PCM1: variants seen among roughly 807,000 people sequenced by gnomAD.
The protein encoded by PCM1 is pericentriolar material 1 protein.
In PCM1, 157 loss-of-function variants were observed where a neutral mutation model predicts 241.9. That is an observed-to-expected ratio of 0.65 (90% CI 0.57 to 0.74). The LOEUF is 0.74. Among genes scored for constraint, PCM1 ranks in the 30% least tolerant of loss-of-function variants. The pLI, the probability that PCM1 is intolerant of heterozygous loss-of-function variation, is 0.00. For missense variants in PCM1, 3,478 were observed against 2,360.1 expected, an observed-to-expected ratio of 1.47 and a Z score of -9.81; for synonymous variants, 1,085 against 784.9, an observed-to-expected ratio of 1.38 and a Z score of -6.39.
chr8:17,974,857 GCACACACACACA>G (rs60355433), intron 23 of PCM1, among the ~76,000 whole-genome samples: 171 of 133,380 alleles, frequency 1.3e-3, no homozygotes, highest in African/African-American at 4.2e-3. Context: ...CCACTTTAAG[GCACACACACACA>G]CACACACACA....
intron 23 of PCM1, among the ~76,000 whole-genome samples, chr8:17,977,736 C>T (rs1040774697): frequency 2.6e-5 from 4 of 152,124 alleles, no homozygotes; most frequent in African/African-American, 9.7e-5. Context: ...TTAGTCTTTG[C>T]AGCTGAAGAG....
chr8:17,934,712 C>A (rs540226672), intron 2 of PCM1: 1 of 152,314 alleles, frequency 6.6e-6, no homozygotes, highest in Admixed American at 6.5e-5. Context: ...TCAGCTAGCA[C>A]CCTTTCAACC....
chr8:18,022,264 A>G (rs969756979), intron 36 of PCM1, among the ~76,000 whole-genome samples: 4 of 152,200 alleles, frequency 2.6e-5, no homozygotes, highest in East Asian at 3.8e-4. Context: ...TACCACCACA[A>G]TGAAACGACT....
chr8:17,986,039 A>G lies in PCM1; in HGVS notation c.4362A>G (p.Ala1454=). The G allele has an allele frequency of 1.2e-6, 2 of 1,603,562 alleles. No homozygotes were observed. Among genetic ancestry groups the G allele is most frequent in the Non-Finnish European group, 1.7e-6 (2 of 1,173,156 alleles). The part of the protein sequence containing the change: ...VKSVNSGTWI[A]SNSELTPSES... ...CAGTAAACTCTGGTACTTGGATAGC[A>G]TCAAACTCAGAACTTACTCCTAGTG... Residue 1454 remains alanine (A), a synonymous_variant, in exon 26 of 39, where the codon GCA becomes GCG. Transcript: ENST00000325083.
Position 17,963,189 on chromosome 8 carries a change from A to T in PCM1, c.2552A>T (p.Gln851Leu), listed in dbSNP as rs768777735. Residue 851 changes from glutamine (Q) to leucine (L), a missense_variant, in exon 17 of 39, where the codon CAG (glutamine) becomes CTG (leucine). Physicochemically the swap from Gln to Leu is moderately radical, Grantham distance 113 (BLOSUM62 -2). Coordinates refer to ENST00000325083, the MANE Select transcript of PCM1 (RefSeq NM_006197.4). ...CTTGAAGCTCTGATGGCTGAACATCAGAGGAGGCAAGGTCTAGCTGAAACT... is the reference window on the plus strand; with the variant it reads ...CTTGAAGCTCTGATGGCTGAACATCTGAGGAGGCAAGGTCTAGCTGAAACT... ...KQLEALMAEH[Q>L]RRQGLAETAS... 1 of 1,613,764 alleles carries T rather than the reference A, an allele frequency of 6.2e-7. No individual in the cohort carries two copies. The highest frequency in any genetic ancestry group is 2.2e-5 in the East Asian group (1 of 44,868).
Position 17,986,015 on chromosome 8 carries a change from A to T in PCM1, c.4338A>T (p.Ser1446=), listed in dbSNP as rs1564178207. The T allele has an allele frequency of 6.3e-7, 1 of 1,597,974 alleles. No homozygotes were observed. ...ESHEKGENVK[S]VNSGTWIASN... Reference sequence around the variant, plus strand: ...ATGAAAAAGGAGAAAATGTAAAGTCAGTAAACTCTGGTACTTGGATAGCAT... The same window carrying T: ...ATGAAAAAGGAGAAAATGTAAAGTCTGTAAACTCTGGTACTTGGATAGCAT... Residue 1446 remains serine, a synonymous_variant, in exon 26 of 39, where the codon TCA becomes TCT. Coordinates refer to ENST00000325083, the MANE Select transcript of PCM1 (RefSeq NM_006197.4).
chr8:17,995,640 G>A (rs2086417042), intron 29 of PCM1, among the ~76,000 whole-genome samples: 1 of 151,358 alleles, frequency 6.6e-6, no homozygotes, highest in Non-Finnish European at 1.5e-5. Flanking sequence ...TATTGAATCT[G>A]TAGATTGCTT....
chr8:17,956,820 G>T, intron 11 of PCM1, 43 bp downstream of exon 11: 1 of 1,422,298 alleles, frequency 7.0e-7, no homozygotes, highest in Non-Finnish European at 9.8e-7. Flanking sequence ...TATTCATTCT[G>T]TCTTGATACT....
intron 32 of PCM1, 33 bp downstream of exon 32, chr8:18,010,701 G>A (rs770205124): frequency 1.3e-6 from 2 of 1,494,722 alleles, no homozygotes; most frequent in South Asian, 1.2e-5. Flanking sequence ...CTAAAAATAT[G>A]GCTGGGCGCG....
chr8:17,957,369 T>A lies in PCM1; in HGVS notation c.1752T>A (p.Ile584=), dbSNP rs1563909293. 6.2e-7 allele frequency: 1 copy of A among 1,612,786 alleles called. No homozygotes were observed. Among genetic ancestry groups the A allele is most frequent in the South Asian group, 1.1e-5 (1 of 91,072 alleles). ...DGRTVNSNCE[I]NNRSAANIRA... ...GAACAGTTAATTCTAATTGTGAAAT[T>A]AACAACAGATCTGCTGCCAACATAA... The change falls in exon 12 of 39, where the codon ATT becomes ATA. Residue 584 remains isoleucine (I), a synonymous_variant. Coordinates refer to ENST00000325083, the MANE Select transcript of PCM1 (RefSeq NM_006197.4).
chr8:17,978,781 A>G (rs2079643335), intron 23 of PCM1, among the ~76,000 whole-genome samples: 1 of 152,222 alleles, frequency 6.6e-6, no homozygotes, highest in Non-Finnish European at 1.5e-5. Context: ...TCTCACTAAT[A>G]TAAATTCAAA....
intron 6 of PCM1, among the ~76,000 whole-genome samples, chr8:17,941,526 GTTT>G (rs918120419): frequency 1.8e-4 from 25 of 142,516 alleles, no homozygotes; most frequent in African/African-American, 6.1e-4. Context: ...ATTGATTTTT[GTTT>G]TTTTTTTTTT....
intron 6 of PCM1, among the ~76,000 whole-genome samples, chr8:17,941,279 A>G (rs962317036): frequency 1.3e-5 from 2 of 152,152 alleles, no homozygotes; most frequent in Non-Finnish European, 1.5e-5. Flanking sequence ...ACTTGTATAG[A>G]TTTATTGTAA....
intron 32 of PCM1, 56 bp from the exon 33 acceptor site, chr8:18,011,181 A>ATT (rs2092446816): frequency 7.8e-7 from 1 of 1,286,004 alleles, no homozygotes; most frequent in Non-Finnish European, 1.1e-6. Context: ...GACTTACTAT[A>ATT]TACCTTTTAC....
intron 13 of PCM1, among the ~76,000 whole-genome samples, chr8:17,958,191 A>G (rs2069601358): frequency 6.6e-6 from 1 of 152,304 alleles, no homozygotes; most frequent in Non-Finnish European, 1.5e-5. Context: ...CAGCATCTCA[A>G]TGAGGTAGAC....
intron 36 of PCM1, among the ~76,000 whole-genome samples, chr8:18,018,890 A>G (rs1337467184): frequency 0.02 from 1,854 of 91,178 alleles, 52 homozygotes; most frequent in Non-Finnish European, 0.03. Context: ...ACACACACAT[A>G]TACATACACA....
At chr8:17,971,559 T>C (rs1211556319) in intron 22 of PCM1, among the ~76,000 whole-genome samples, 1 of 152,226 alleles carries the variant, frequency 6.6e-6, no homozygotes, top group Admixed American at 6.5e-5. Context: ...AACTACGGAC[T>C]TAAGGAGTGG....
intron 24 of PCM1, among the ~76,000 whole-genome samples, chr8:17,984,009 T>G (rs1047764530): frequency 4.3e-4 from 65 of 152,026 alleles, no homozygotes; most frequent in Middle Eastern, 3.2e-3. Context: ...TGATTAAGAT[T>G]AGGGATTTTT....
chr8:17,995,800 A>G (rs150484195), intron 29 of PCM1, among the ~76,000 whole-genome samples: 141 of 152,028 alleles, frequency 9.3e-4, no homozygotes, highest in African/African-American at 3.1e-3. Context: ...ATTCTTAGGT[A>G]TTTAATTTTA....
Sources: allele counts gnomAD v4.1 joint callset (sites outside exome capture counted in the v4.1 genomes callset), GRCh38; gene constraint gnomAD v4.1.1; transcripts MANE v1.5; gene names NCBI Gene and HGNC (gene_info 2026-07-23, HGNC 2026-07-21).